Variants in GLIS3 observed in about 807,000 individuals in gnomAD.
The protein encoded by GLIS3 is GLIS family zinc finger 3.
A neutral mutation model predicts 78.6 loss-of-function variants in GLIS3; 53 were observed. The ratio of observed to expected loss-of-function variants is 0.67; its 90% CI spans 0.54 to 0.85. The LOEUF (loss-of-function observed/expected upper bound fraction) is 0.85. Among genes scored for constraint, GLIS3 ranks in the 40% least tolerant of loss-of-function variants. GLIS3 has a pLI of 0.00. For missense variants in GLIS3, 1,703 were observed against 1,231.1 expected (o/e 1.38, Z -5.74); for synonymous variants, 684 against 509.9 (o/e 1.34, Z -4.60).
intron 5 of GLIS3, 137 bp downstream of exon 5, chr9:3,936,891 A>G: frequency 8.5e-7 from 1 of 1,172,454 alleles, no homozygotes; most frequent in Non-Finnish European, 1.3e-6. Flanking sequence ...GCCTTTTACC[A>G]GGCTCCACTG....
chr9:3,904,973 ACT>A lies in GLIS3; in HGVS notation c.1984-6140_1984-6139del, dbSNP rs549237460. Among the ~76,000 whole-genome samples, 776 of 142,044 alleles carry A rather than the reference ACT, an allele frequency of 5.5e-3. 4 individuals are homozygous for A. The highest frequency in any genetic ancestry group is 8.5e-3 in the Non-Finnish European group (559 of 65,790). 93.2% of individuals were successfully genotyped at this position (142,044 alleles called of 152,430 possible). On this transcript the variant is annotated intron_variant, in intron 6 of 10. Transcript: ENST00000381971. ...TAACACAGTTTCTCTTCCTCTTATG[ACT>A]CTTTTTTTTTTTTTTGAGACGGAGT...
chr9:3,962,161 C>T (rs992061353), intron 4 of GLIS3, among the ~76,000 whole-genome samples: 2 of 152,010 alleles, frequency 1.3e-5, no homozygotes, highest in East Asian at 3.9e-4. Flanking sequence ...TTGGGGCTGC[C>T]GTGAGCCATG....
chr9:4,207,823 T>A (rs905949499), intron 2 of GLIS3, among the ~76,000 whole-genome samples: 2 of 152,180 alleles, frequency 1.3e-5, no homozygotes, highest in Admixed American at 6.5e-5. Context: ...CAAACAGGTA[T>A]GAGGCAAAAA....
intron 4 of GLIS3, among the ~76,000 whole-genome samples, chr9:3,940,376 T>C (rs1159943409): frequency 6.6e-6 from 1 of 152,174 alleles, no homozygotes; most frequent in Non-Finnish European, 1.5e-5. Flanking sequence ...AGTGTTTCCT[T>C]GGGTTTGGCC....
rs145100565 is a variant in GLIS3 at position 3,872,964 on chromosome 9, A to C, written c.2297+6463T>G. ...ATAGAAACTAAAAAATATACAAAGA[A>C]GCAACCAAACAAAAAGCTGGTTATT... is the stretch of plus-strand genomic sequence containing the variant. On this transcript the variant is annotated intron_variant, in intron 8 of 10. Coordinates refer to ENST00000381971, the MANE Select transcript of GLIS3 (RefSeq NM_001042413.2). 3.1e-4 allele frequency among the ~76,000 whole-genome samples: 47 copies of C among 152,346 alleles called. 1 individual carries two copies. Among genetic ancestry groups the C allele is most frequent in the African/African-American group, 1.1e-3 (46 of 41,588 alleles).
intron 6 of GLIS3, among the ~76,000 whole-genome samples, chr9:3,926,382 C>T (rs1355056663): frequency 6.6e-6 from 1 of 151,952 alleles, no homozygotes; most frequent in East Asian, 1.9e-4. Context: ...AGGCGCCAGC[C>T]ACCACGCCTG....
chr9:4,293,015 T>C (rs755125236), intron 1 of GLIS3, among the ~76,000 whole-genome samples: 12 of 152,142 alleles, frequency 7.9e-5, no homozygotes, highest in African/African-American at 1.9e-4. Context: ...TTCAGAAGTA[T>C]AGAAGTAAAA....
chr9:4,080,300 A>C (rs959958351), intron 4 of GLIS3, among the ~76,000 whole-genome samples: 5 of 152,354 alleles, frequency 3.3e-5, no homozygotes, highest in African/African-American at 1.2e-4. Flanking sequence ...CACAGAGGTA[A>C]GTGCCAGAGC....
At chr9:4,242,523 A>G (rs370779457) in intron 2 of GLIS3, among the ~76,000 whole-genome samples, 1 of 152,156 alleles carries the variant, frequency 6.6e-6, no homozygotes, top group South Asian at 2.1e-4. Flanking sequence ...GGCATGACCA[A>G]TGCATACTAT....
chr9:4,432,856 G>A, the GLIS3 span, among the ~76,000 whole-genome samples: 1 of 151,784 alleles, frequency 6.6e-6, no homozygotes, highest in African/African-American at 2.4e-5. Context: ...GCCCAGTCTG[G>A]TCTCGAACTC....
At chr9:4,486,116 G>A in the GLIS3 span, among the ~76,000 whole-genome samples, 3 of 152,110 alleles carry the variant, frequency 2.0e-5, no homozygotes, top group Admixed American at 6.6e-5. Context: ...TATTTTCAAT[G>A]CATAATTTAA....
chr9:4,440,690 T>C, the GLIS3 span, among the ~76,000 whole-genome samples: 26 of 152,362 alleles, frequency 1.7e-4, no homozygotes, highest in East Asian at 4.4e-3. Context: ...TCTATTTCCA[T>C]GAAAAATGTC....
chr9:3,967,041 A>C (rs1198260900), intron 4 of GLIS3, among the ~76,000 whole-genome samples: 3 of 96,608 alleles, frequency 3.1e-5, no homozygotes, highest in Non-Finnish European at 5.0e-5. Flanking sequence ...AAACAAAAAA[A>C]CATTTTGAGG....
At position 4,010,981 on chromosome 9, in the gene GLIS3, G is replaced by T. The variant is rs142600360; in HGVS notation, c.1711-73792C>A. Among the ~76,000 whole-genome samples, 116 of 152,242 alleles carry T rather than the reference G, an allele frequency of 7.6e-4. 1 individual carries two copies. The highest frequency in any genetic ancestry group is 2.7e-3 in the African/African-American group (113 of 41,536). ...GTAGAACATTTATTTTTAAAAAATT[G>T]CAAAAGAGAAAATAGGTTAAAATTG... On this transcript the variant is annotated intron_variant, in intron 4 of 10. Transcript: ENST00000381971.
rs1226717852 is a variant in GLIS3, at chr9:4,190,677, G to C, written c.389-64736C>G. Among the ~76,000 whole-genome samples, 9 of 152,178 alleles carry C rather than the reference G, an allele frequency of 5.9e-5. No individual in the cohort carries two copies. The East Asian group carries it at 7.7e-4, about 13-fold the overall frequency. On this transcript the variant is annotated intron_variant, in intron 2 of 10. Transcript: ENST00000381971. ...CCAACATTCAGATTCAGGAAGTACA[G>C]AGAATGCCACAAAGATACTCCTCGA... is the stretch of plus-strand genomic sequence containing the variant.
intron 1 of GLIS3, among the ~76,000 whole-genome samples, chr9:4,288,344 A>G (rs1451601264): frequency 4.6e-5 from 7 of 152,240 alleles, no homozygotes; most frequent in Non-Finnish European, 8.8e-5. Context: ...AAAAAAGGCA[A>G]AAGAAATATG....
chr9:3,873,697 G>T (rs1821118723), intron 8 of GLIS3, among the ~76,000 whole-genome samples: 1 of 151,984 alleles, frequency 6.6e-6, no homozygotes, highest in South Asian at 2.1e-4. Context: ...CAAAGAAAAA[G>T]TCAAAGTTAC....
chr9:4,308,643 C>T (rs1002369306), intron 4 of GLIS3: 3 of 152,866 alleles, frequency 2.0e-5, no homozygotes, highest in South Asian at 2.1e-4. Context: ...GCCCCACCCC[C>T]CAGAGATTCT....
In GLIS3 at chr9:3,835,810, T is replaced by G. The variant is rs61158486; in HGVS notation, c.2474-6318A>C. On this transcript the variant is annotated intron_variant, in intron 9 of 10. Coordinates refer to ENST00000381971, the MANE Select transcript of GLIS3 (RefSeq NM_001042413.2). ...AATAACATAAGCATTTCAATTTCTA[T>G]GCTTTCATTTACTTGACAACTATTC... 2.9e-3 allele frequency among the ~76,000 whole-genome samples: 445 copies of G among 152,368 alleles called. 3 individuals are homozygous for G. The highest frequency in any genetic ancestry group is 0.01 in the African/African-American group (426 of 41,590).
Sources: allele counts gnomAD v4.1 joint callset (sites outside exome capture counted in the v4.1 genomes callset), GRCh38; gene constraint gnomAD v4.1.1; transcripts MANE v1.5; gene names NCBI Gene and HGNC (gene_info 2026-07-23, HGNC 2026-07-21).